Variants in CA10 observed in about 807,000 individuals in gnomAD.
The protein encoded by CA10 is carbonic anhydrase 10 (inactive), also known as carbonic anhydrase-related protein 10.
CA10 carries 14 observed loss-of-function variants against 44.2 expected under a neutral mutation model. The ratio of observed to expected loss-of-function variants is 0.32; its 90% CI spans 0.21 to 0.50. The LOEUF is 0.50. Among genes scored for constraint, CA10 ranks in the 20% least tolerant of loss-of-function variants. CA10 has a pLI of 0.99. For synonymous variants in CA10, 159 were observed against 141.6 expected (o/e 1.12, Z -0.87); for missense variants, 350 against 409.7 (o/e 0.85, Z 1.26).
chr17:51,821,002 A>G (rs1332674109), intron 3 of CA10, among the ~76,000 whole-genome samples: 1 of 149,166 alleles, frequency 6.7e-6, no homozygotes, highest in Non-Finnish European at 1.5e-5. Context: ...TCAAAGATCC[A>G]TGCTCCCTCC....
intron 3 of CA10, among the ~76,000 whole-genome samples, chr17:51,866,456 A>T (rs1483463936): frequency 6.6e-6 from 1 of 152,084 alleles, no homozygotes; most frequent in Admixed American, 6.5e-5. Flanking sequence ...TCTCACTTTT[A>T]TCAGTGTTTC....
At chr17:51,970,511 G>A (rs373735307) in intron 2 of CA10, among the ~76,000 whole-genome samples, 1 of 151,658 alleles carries the variant, frequency 6.6e-6, no homozygotes, top group Non-Finnish European at 1.5e-5. Flanking sequence ...GAGGAAAAGC[G>A]ATTCTGTTAT....
intron 4 of CA10, among the ~76,000 whole-genome samples, chr17:51,670,561 T>C (rs893965637): frequency 1.3e-5 from 2 of 152,090 alleles, no homozygotes; most frequent in Admixed American, 6.6e-5. Flanking sequence ...CTTCTCTTGT[T>C]GGGCCCTGGC....
intron 3 of CA10, among the ~76,000 whole-genome samples, chr17:51,766,596 T>G (rs1256030927): frequency 6.6e-6 from 1 of 152,192 alleles, no homozygotes; most frequent in Admixed American, 6.5e-5. Flanking sequence ...TCTATCTATT[T>G]GCAGGGAAGT....
At chr17:51,807,099 A>G (rs1907167807) in intron 3 of CA10, among the ~76,000 whole-genome samples, 1 of 152,182 alleles carries the variant, frequency 6.6e-6, no homozygotes, top group Admixed American at 6.5e-5. Context: ...TCTGCTTCCA[A>G]GTTCTTTTGT....
chr17:51,674,267 T>C lies in CA10; in HGVS notation c.466-20531A>G, dbSNP rs201243198. On this transcript the variant is annotated intron_variant, in intron 4 of 8. Transcript: ENST00000451037. Reference sequence around the variant, plus strand: ...ACTTTGTTGATATAGATGATTTTTCTGAATTGATCCAACTGATTCCTTTCA... The same window carrying C: ...ACTTTGTTGATATAGATGATTTTTCCGAATTGATCCAACTGATTCCTTTCA... Among the ~76,000 whole-genome samples, 18 of 152,328 alleles carry C rather than the reference T, an allele frequency of 1.2e-4. No homozygotes were observed. In the East Asian group the frequency reaches 2.9e-3, roughly 25 times the overall value.
At chr17:51,725,211 T>C (rs924464104) in intron 4 of CA10, among the ~76,000 whole-genome samples, 3 of 152,222 alleles carry the variant, frequency 2.0e-5, no homozygotes, top group African/African-American at 7.2e-5. Flanking sequence ...TGTGCTTCTC[T>C]TTATTTGCAC....
At chr17:51,679,806 G>T (rs1423983855) in intron 4 of CA10, among the ~76,000 whole-genome samples, 2 of 152,110 alleles carry the variant, frequency 1.3e-5, no homozygotes, top group Non-Finnish European at 2.9e-5. Context: ...CAAACAGCCT[G>T]CAGGCCATAT....
chr17:51,763,262 A>G (rs1366740562), intron 3 of CA10: 1 of 152,220 alleles, frequency 6.6e-6, no homozygotes, highest in African/African-American at 2.4e-5. Flanking sequence ...TGAAATGCCT[A>G]CTGAGGGAAG....
chr17:52,087,812 C>T (rs1988158825), intron 1 of CA10, among the ~76,000 whole-genome samples: 1 of 152,248 alleles, frequency 6.6e-6, no homozygotes, highest in African/African-American at 2.4e-5. Context: ...TTATGCCCCC[C>T]TTATTTATCA....
chr17:51,820,411 C>G (rs1034374878), intron 3 of CA10, among the ~76,000 whole-genome samples: 32 of 92,278 alleles, frequency 3.5e-4, no homozygotes, highest in Middle Eastern at 4.7e-3. Flanking sequence ...CCCTACCCCC[C>G]CCCCCCCGCC....
intron 2 of CA10, among the ~76,000 whole-genome samples, chr17:52,057,242 C>A (rs958545724): frequency 6.6e-6 from 1 of 151,936 alleles, no homozygotes; most frequent in African/African-American, 2.4e-5. Flanking sequence ...ACTGAGGGTG[C>A]CTGCCCATCC....
At chr17:51,970,606 T>C (rs951329424) in intron 2 of CA10, among the ~76,000 whole-genome samples, 1 of 152,096 alleles carries the variant, frequency 6.6e-6, no homozygotes, top group Non-Finnish European at 1.5e-5. Flanking sequence ...TCAGAATTAT[T>C]TGAACCATTA....
At chr17:51,826,303 G>A (rs1908006353) in intron 3 of CA10, among the ~76,000 whole-genome samples, 1 of 152,224 alleles carries the variant, frequency 6.6e-6, no homozygotes, top group Non-Finnish European at 1.5e-5. Context: ...CATTGACATG[G>A]TGGAAATTGC....
intron 2 of CA10, among the ~76,000 whole-genome samples, chr17:51,946,973 C>T (rs997168041): frequency 2.6e-5 from 4 of 151,828 alleles, no homozygotes; most frequent in Admixed American, 6.6e-5. Context: ...CTCATATATT[C>T]GCACATTTCT....
At chr17:51,814,522 T>C (rs927148368) in intron 3 of CA10, among the ~76,000 whole-genome samples, 5 of 152,222 alleles carry the variant, frequency 3.3e-5, no homozygotes, top group African/African-American at 9.6e-5. Context: ...AGTCCTGCGG[T>C]AAGGAAACCT....
chr17:51,986,516 CTTAA>C lies in CA10; in HGVS notation c.137-55388_137-55385del, dbSNP rs1984841777. 2.0e-5 allele frequency among the ~76,000 whole-genome samples: 3 copies of C among 151,826 alleles called. No homozygotes were observed. In the South Asian group the frequency reaches 6.2e-4, roughly 32 times the overall value. On this transcript the variant is annotated intron_variant, in intron 2 of 8. Coordinates refer to ENST00000451037, the MANE Select transcript of CA10 (RefSeq NM_020178.5). ...AAAAAACAATGATAAATAGCTGAGA[CTTAA>C]TTAAACTAAAAAGCTTTTGAATGGC... is the stretch of plus-strand genomic sequence containing the variant.
intron 3 of CA10, among the ~76,000 whole-genome samples, chr17:51,800,509 T>A (rs1303502222): frequency 6.6e-6 from 1 of 152,092 alleles, no homozygotes; most frequent in Non-Finnish European, 1.5e-5. Context: ...AAACCTTCTA[T>A]AAAAAAACAA....
intron 1 of CA10, among the ~76,000 whole-genome samples, 190 bp downstream of exon 1, chr17:52,157,536 C>G (rs921901371): frequency 4.1e-5 from 6 of 147,516 alleles, no homozygotes; most frequent in Non-Finnish European, 7.5e-5. Context: ...ACCACCCCCC[C>G]CCGCAAAACA....
Sources: allele counts gnomAD v4.1 joint callset (sites outside exome capture counted in the v4.1 genomes callset), GRCh38; gene constraint gnomAD v4.1.1; transcripts MANE v1.5; gene names NCBI Gene and HGNC (gene_info 2026-07-23, HGNC 2026-07-21).